HYCC2: variants seen among roughly 807,000 people sequenced by gnomAD.
HYCC2 encodes the protein hyccin PI4KA lipid kinase complex subunit 2.
the HYCC2 span, among the ~76,000 whole-genome samples, chr2:201,033,333 T>C: frequency 6.6e-6 from 1 of 152,022 alleles, no homozygotes. Flanking sequence ...GCCCCCTAAG[T>C]AGCTGGTACT....
chr2:201,035,130 T>G, the HYCC2 span, among the ~76,000 whole-genome samples: 4 of 152,206 alleles, frequency 2.6e-5, no homozygotes, highest in Non-Finnish European at 5.9e-5. Flanking sequence ...CTGTATTTCC[T>G]GAATTTGAAT....
At chr2:201,043,950 G>A in the HYCC2 span, among the ~76,000 whole-genome samples, 1 of 152,056 alleles carries the variant, frequency 6.6e-6, no homozygotes, top group African/African-American at 2.4e-5. Context: ...GAACTCCTGG[G>A]CTCAAACAAT....
At chr2:201,039,951 G>A in the HYCC2 span, among the ~76,000 whole-genome samples, 16 of 152,148 alleles carry the variant, frequency 1.1e-4, no homozygotes, top group Non-Finnish European at 1.9e-4. Flanking sequence ...GAGGTGGGCA[G>A]ATCACAAGGT....
chr2:201,010,840 T>C, the HYCC2 span, among the ~76,000 whole-genome samples: 1 of 151,670 alleles, frequency 6.6e-6, no homozygotes, highest in South Asian at 2.1e-4. Context: ...CATAAAAGAC[T>C]AATGAGAGTA....
At chr2:201,011,683 C>A in the HYCC2 span, among the ~76,000 whole-genome samples, 2 of 152,064 alleles carry the variant, frequency 1.3e-5, no homozygotes, top group South Asian at 2.1e-4. Flanking sequence ...ACAGAATCCA[C>A]AGAGAGATGG....
chr2:201,044,317 G>A, the HYCC2 span, among the ~76,000 whole-genome samples: 1 of 152,072 alleles, frequency 6.6e-6, no homozygotes, highest in African/African-American at 2.4e-5. Flanking sequence ...TGAACTCCTG[G>A]CCCCAAGCAA....
At chr2:201,049,512 G>GTT in the HYCC2 span, among the ~76,000 whole-genome samples, 69 of 142,874 alleles carry the variant, frequency 4.8e-4, no homozygotes, top group African/African-American at 1.6e-3. Flanking sequence ...CACCACCCCG[G>GTT]TTTTTTTTTT....
chr2:200,996,853 T>C, the HYCC2 span: 1 of 152,124 alleles, frequency 6.6e-6, no homozygotes, highest in Non-Finnish European at 1.5e-5. Context: ...TCAAAGTGAT[T>C]TACAAAAACT....
the HYCC2 span, chr2:200,976,165 A>C: frequency 5.3e-5 from 8 of 152,162 alleles, no homozygotes; most frequent in Non-Finnish European, 1.2e-4. Flanking sequence ...TAGTGGTAAA[A>C]CGATGACAAT....
At chr2:201,051,262 C>T in the HYCC2 span, among the ~76,000 whole-genome samples, 1 of 151,994 alleles carries the variant, frequency 6.6e-6, no homozygotes, top group East Asian at 1.9e-4. Flanking sequence ...TAGCAAGTAT[C>T]ACAATGGTAA....
At chr2:201,057,824 C>T in the HYCC2 span, among the ~76,000 whole-genome samples, 1 of 152,164 alleles carries the variant, frequency 6.6e-6, no homozygotes, top group Non-Finnish European at 1.5e-5. Flanking sequence ...AGAAAGGGAA[C>T]TCCCAGTAGG....
the HYCC2 span, among the ~76,000 whole-genome samples, chr2:201,037,335 CA>C: frequency 0.011 from 1,725 of 152,314 alleles, 17 homozygotes; most frequent in Non-Finnish European, 0.017. Flanking sequence ...TTTATACATT[CA>C]TTGCCATCCC....
chr2:201,064,081 A>G, the HYCC2 span: 22 of 1,546,088 alleles, frequency 1.4e-5, no homozygotes, highest in Non-Finnish European at 1.9e-5. Context: ...AGGAGAGGAG[A>G]GCCAGAGAAG....
the HYCC2 span, among the ~76,000 whole-genome samples, chr2:201,047,375 G>A: frequency 2.6e-5 from 4 of 151,314 alleles, no homozygotes; most frequent in Middle Eastern, 3.2e-3. Context: ...GAAAGGAGGA[G>A]AGGGAGAGGT....
chr2:200,994,307 G>A, the HYCC2 span, among the ~76,000 whole-genome samples: 5 of 151,982 alleles, frequency 3.3e-5, no homozygotes, highest in South Asian at 1.0e-3. Context: ...GCCTGATCTC[G>A]GCTCACTGCA....
chr2:201,057,088 T>C, the HYCC2 span, among the ~76,000 whole-genome samples: 4 of 152,198 alleles, frequency 2.6e-5, no homozygotes, highest in Admixed American at 1.3e-4. Flanking sequence ...TTTTGAGAAA[T>C]AGCTCCTTGC....
the HYCC2 span, among the ~76,000 whole-genome samples, chr2:201,043,357 C>T: frequency 1.3e-5 from 2 of 150,792 alleles, no homozygotes; most frequent in African/African-American, 4.9e-5. Flanking sequence ...ATCTGCTGAC[C>T]TTCCCTCCAC....
the HYCC2 span, among the ~76,000 whole-genome samples, chr2:200,991,352 G>A: frequency 1.8e-3 from 281 of 152,132 alleles, 2 homozygotes; most frequent in African/African-American, 6.6e-3. Flanking sequence ...GGTGGATCAC[G>A]AGGTCAGGAG....
At chr2:201,041,853 C>T in the HYCC2 span, among the ~76,000 whole-genome samples, 1 of 152,328 alleles carries the variant, frequency 6.6e-6, no homozygotes, top group East Asian at 1.9e-4. Context: ...CTTTGGGCTT[C>T]AGTTTCCTAC....
Sources: gnomAD v4.1 joint callset for allele counts (sites outside exome capture counted in the v4.1 genomes callset) on GRCh38, gnomAD v4.1.1 for gene constraint, MANE v1.5 for transcripts, NCBI Gene and HGNC (gene_info 2026-07-23, HGNC 2026-07-21) for gene names.